ADAMTSL1: variants seen among roughly 807,000 people sequenced by gnomAD.
ADAMTSL1 encodes ADAMTS-like protein 1.
ADAMTSL1 carries 126 observed loss-of-function variants against 201.8 expected under a neutral mutation model. The observed-to-expected ratio is 0.62, with a 90% CI of 0.54 to 0.72. The LOEUF (loss-of-function observed/expected upper bound fraction) is 0.72, where lower values mean the gene tolerates loss of function less well. ADAMTSL1 is among the 30% of genes least tolerant of loss of function. The pLI is 0.00. For missense variants in ADAMTSL1, 2,679 were observed against 2,277.8 expected, an observed-to-expected ratio of 1.18 and a Z score of -3.59; for synonymous variants, 1,121 against 903.4, an observed-to-expected ratio of 1.24 and a Z score of -4.32.
chr9:17,948,449 C>G (rs1588462535), intron 1 of ADAMTSL1, among the ~76,000 whole-genome samples: 1 of 152,204 alleles, frequency 6.6e-6, no homozygotes, highest in South Asian at 2.1e-4. Context: ...TATCCCATCA[C>G]TATCTGAGAT....
At chr9:18,174,983 C>G (rs1277939089) in intron 2 of ADAMTSL1, among the ~76,000 whole-genome samples, 1 of 152,118 alleles carries the variant, frequency 6.6e-6, no homozygotes, top group Non-Finnish European at 1.5e-5. Flanking sequence ...AATTAAAGAT[C>G]TATATTGTTT....
At chr9:17,992,418 T>A (rs1284609552) in intron 1 of ADAMTSL1, among the ~76,000 whole-genome samples, 1 of 152,298 alleles carries the variant, frequency 6.6e-6, no homozygotes, top group East Asian at 1.9e-4. Flanking sequence ...AAATAATTTT[T>A]AAAATTTCGC....
At chr9:18,186,359 T>A (rs1480547965) in intron 2 of ADAMTSL1, among the ~76,000 whole-genome samples, 1 of 152,166 alleles carries the variant, frequency 6.6e-6, no homozygotes, top group African/African-American at 2.4e-5. Flanking sequence ...AGGTTTGCTT[T>A]TTTTGGTCTT....
At chr9:18,724,144 C>T (rs1042364645) in intron 15 of ADAMTSL1, among the ~76,000 whole-genome samples, 1 of 152,290 alleles carries the variant, frequency 6.6e-6, no homozygotes, top group Admixed American at 6.5e-5. Flanking sequence ...TGGGACATAA[C>T]AAAATGACAT....
intron 7 of ADAMTSL1, among the ~76,000 whole-genome samples, chr9:18,646,136 A>C (rs1333944717): frequency 2.0e-5 from 3 of 151,622 alleles, no homozygotes; most frequent in East Asian, 3.9e-4. Context: ...TAGGTATTTT[A>C]TTCTTTTTGA....
chr9:18,554,922 C>A (rs1821016515), intron 3 of ADAMTSL1, among the ~76,000 whole-genome samples: 1 of 143,580 alleles, frequency 7.0e-6, no homozygotes, highest in South Asian at 2.1e-4. Flanking sequence ...TTGTGTTGTA[C>A]ATTCTATGGG....
rs987741562 is a variant in ADAMTSL1 at position 18,213,997 on chromosome 9, A to G, written c.207+50016A>G. ...GGCAATCTACCCGCCTGGGCCTCCC[A>G]AAGTGCTGGGATTACAGGCATGAGC... On this transcript the variant is annotated intron_variant, in intron 2 of 29. Transcript: ENST00000680146. Among the ~76,000 whole-genome samples, 4 of 152,290 alleles carry G rather than the reference A, an allele frequency of 2.6e-5. No individual in the cohort carries two copies. The East Asian group carries it at 7.7e-4, about 29-fold the overall frequency.
At chr9:18,513,544 T>A (rs546194083) in intron 2 of ADAMTSL1, among the ~76,000 whole-genome samples, 1 of 152,316 alleles carries the variant, frequency 6.6e-6, no homozygotes, top group East Asian at 1.9e-4. Context: ...GTGCTTTTGG[T>A]GTTATAGCTG....
intron 1 of ADAMTSL1, among the ~76,000 whole-genome samples, chr9:17,970,027 C>T (rs1420034797): frequency 1.3e-5 from 2 of 152,034 alleles, no homozygotes; most frequent in African/African-American, 4.8e-5. Context: ...TCTCTTTTAT[C>T]AGCCTTGAAC....
At chr9:18,212,790 G>T (rs916527745) in intron 2 of ADAMTSL1, among the ~76,000 whole-genome samples, 1 of 152,086 alleles carries the variant, frequency 6.6e-6, no homozygotes, top group Non-Finnish European at 1.5e-5. Context: ...TTTTGGTGTG[G>T]ACGATAACCC....
At chr9:18,750,821 G>C (rs1037392883) in intron 15 of ADAMTSL1, among the ~76,000 whole-genome samples, 3 of 152,298 alleles carry the variant, frequency 2.0e-5, no homozygotes, top group Non-Finnish European at 2.9e-5. Flanking sequence ...GGGCTGGAGG[G>C]TCTGCATTCA....
At position 18,533,239 on chromosome 9, in the gene ADAMTSL1, C is replaced by A; in HGVS notation, c.192-8C>A. Reference sequence around the variant, plus strand: ...TAGTAATATTTCTTTTTTCTTTTTGCAACTTAGGAGCTGTGAAGGAAGAAA... The same window carrying A: ...TAGTAATATTTCTTTTTTCTTTTTGAAACTTAGGAGCTGTGAAGGAAGAAA... On this transcript the variant is annotated splice_polypyrimidine_tract_variant and splice_region_variant and intron_variant, in intron 2 of 28. Coordinates refer to ENST00000380548, the MANE Select transcript of ADAMTSL1 (RefSeq NM_001040272.6). 1 of 1,598,288 alleles carries A rather than the reference C, an allele frequency of 6.3e-7. No homozygotes were observed. Among genetic ancestry groups the A allele is most frequent in the South Asian group, 1.1e-5 (1 of 88,322 alleles).
chr9:18,626,086 C>A (rs1826342459), intron 5 of ADAMTSL1, among the ~76,000 whole-genome samples: 1 of 152,188 alleles, frequency 6.6e-6, no homozygotes, highest in South Asian at 2.1e-4. Context: ...GAAATTTCCA[C>A]CTGCCCCTGG....
intron 2 of ADAMTSL1, among the ~76,000 whole-genome samples, chr9:18,171,126 C>G (rs1827869647): frequency 6.6e-6 from 1 of 151,840 alleles, no homozygotes; most frequent in Admixed American, 6.6e-5. Flanking sequence ...TGTTACAAAG[C>G]TATAAGAATT....
chr9:18,174,073 C>T (rs1344713317), intron 2 of ADAMTSL1, among the ~76,000 whole-genome samples: 1 of 152,106 alleles, frequency 6.6e-6, no homozygotes, highest in Non-Finnish European at 1.5e-5. Context: ...AACTTCGGAA[C>T]TGTCTTAATA....
chr9:18,532,590 G>A (rs1054365108), intron 2 of ADAMTSL1, among the ~76,000 whole-genome samples: 57 of 151,848 alleles, frequency 3.8e-4, no homozygotes, highest in African/African-American at 1.3e-3. Flanking sequence ...AATTTTAAGT[G>A]GAAACAAAAA....
At chr9:18,738,695 A>C (rs1002474834) in intron 15 of ADAMTSL1, among the ~76,000 whole-genome samples, 5 of 152,212 alleles carry the variant, frequency 3.3e-5, no homozygotes, top group Admixed American at 3.3e-4. Context: ...TCTGTGGCCT[A>C]CAGAATGTGA....
At chr9:18,639,486 C>T (rs702207) in intron 7 of ADAMTSL1, 75 bp downstream of exon 7, 75,909 of 1,531,312 alleles carry the variant, frequency 0.05, 4,038 homozygotes, top group African/African-American at 0.27. Context: ...GAGCAGAGAG[C>T]GATTTTTGGT....
intron 13 of ADAMTSL1, among the ~76,000 whole-genome samples, chr9:18,700,766 C>A (rs1831877277): frequency 6.6e-6 from 1 of 152,076 alleles, no homozygotes; most frequent in Non-Finnish European, 1.5e-5. Flanking sequence ...GACATATTTT[C>A]TTTTTCCAAT....
Sources: allele counts gnomAD v4.1 joint callset (sites outside exome capture counted in the v4.1 genomes callset), GRCh38; gene constraint gnomAD v4.1.1; transcripts MANE v1.5; gene names NCBI Gene and HGNC (gene_info 2026-07-23, HGNC 2026-07-21).